The following FAM120B variants were observed in gnomAD, a reference collection of about 807,000 sequenced individuals.
FAM120B encodes family with sequence similarity 120 member B.
In FAM120B, 83 loss-of-function variants were observed where a neutral mutation model predicts 96.3. The observed-to-expected ratio is 0.86, with a 90% CI of 0.72 to 1.03. The LOEUF is 1.03. FAM120B is among the 50% of genes least tolerant of loss of function. The pLI is 0.00. For synonymous variants in FAM120B, 407 were observed against 402.7 expected (o/e 1.01, Z -0.13); for missense variants, 1,027 against 1,121.2 (o/e 0.92, Z 1.20).
At chr6:170,336,937 A>G (rs1020117089) in intron 4 of FAM120B, among the ~76,000 whole-genome samples, 3 of 152,194 alleles carry the variant, frequency 2.0e-5, no homozygotes, top group Admixed American at 1.3e-4. Flanking sequence ...TTTTGGGCTG[A>G]GACAATGGGG....
Position 170,377,197 on chromosome 6 carries a change from G to A in FAM120B, c.2284-11090G>A, listed in dbSNP as rs147720052. Among the ~76,000 whole-genome samples, 58 of 67,138 alleles carry A rather than the reference G, an allele frequency of 8.6e-4. 2 individuals carry two copies. The highest frequency in any genetic ancestry group is 3.9e-3 in the African/African-American group (52 of 13,346). The allele number at this position is 67,138 out of a possible 152,430, so 44.0% of individuals were successfully genotyped here. On this transcript the variant is annotated intron_variant, in intron 6 of 10. Coordinates refer to ENST00000476287, the MANE Select transcript of FAM120B (RefSeq NM_032448.3). ...TAAACCCAGATGCCTGGGAGAACAC[G>A]AGCTCACGCTGCTCGGTGCTGTGCA...
intron 9 of FAM120B, among the ~76,000 whole-genome samples, chr6:170,398,404 G>A (rs1017847282): frequency 6.6e-6 from 1 of 151,632 alleles, no homozygotes; most frequent in African/African-American, 2.4e-5. Flanking sequence ...GGGGAAGGTA[G>A]AACTATGTCA....
At chr6:170,306,337 G>A (rs1021120457), upstream of FAM120B, among the ~76,000 whole-genome samples, 1 of 151,894 alleles carries the variant, frequency 6.6e-6, no homozygotes, top group African/African-American at 2.4e-5. Flanking sequence ...CGAGGCTCCC[G>A]GCCTCAGGGC....
chr6:170,394,990 C>T (rs1435913038), intron 8 of FAM120B, among the ~76,000 whole-genome samples: 1 of 152,198 alleles, frequency 6.6e-6, no homozygotes, highest in Non-Finnish European at 1.5e-5. Context: ...TGTAATCAGG[C>T]CTTCTAGTAG....
chr6:170,291,864 A>C (rs1045433075), upstream of FAM120B, among the ~76,000 whole-genome samples: 1 of 151,920 alleles, frequency 6.6e-6, no homozygotes, highest in East Asian at 1.9e-4. Context: ...GCCCTCCCCC[A>C]CAGGATCCTC....
At chr6:170,297,042 G>A (rs1223356566) in intron 1 of FAM120B, among the ~76,000 whole-genome samples, 2 of 152,210 alleles carry the variant, frequency 1.3e-5, no homozygotes, top group Non-Finnish European at 2.9e-5. Context: ...CCGGGAGCGG[G>A]GGCACGCGGG....
At chr6:170,296,654 G>T (rs148919258) in intron 1 of FAM120B, among the ~76,000 whole-genome samples, 13,391 of 151,942 alleles carry the variant, frequency 0.088, 809 homozygotes, top group African/African-American at 0.16. Flanking sequence ...GGGCCGGGGC[G>T]CGCCCTTTGT....
intron 5 of FAM120B, among the ~76,000 whole-genome samples, chr6:170,354,460 A>G (rs966477612): frequency 6.6e-6 from 1 of 152,210 alleles, no homozygotes; most frequent in African/African-American, 2.4e-5. Context: ...AAAATAAACT[A>G]TCATCAGAGT....
chr6:170,395,108 C>A (rs7738104), intron 8 of FAM120B, among the ~76,000 whole-genome samples: 2 of 151,994 alleles, frequency 1.3e-5, no homozygotes, highest in African/African-American at 4.8e-5. Flanking sequence ...TCACAAGTCC[C>A]AGAAGTGCTG....
In FAM120B at chr6:170,391,159, C is replaced by T. The variant is rs377583342; in HGVS notation, c.2599+38C>T. On this transcript the variant is annotated intron_variant, in intron 8 of 10. Transcript: ENST00000476287. ...CAGGTGCCTCTAGAAGCCCCACAAG[C>T]GTAGACCCTAACTGCTTCCTGAGTT... 15 of 1,379,614 alleles carry T rather than the reference C, an allele frequency of 1.1e-5. No homozygotes were observed. The African/African-American group carries it at 1.7e-4, about 16-fold the overall frequency. The allele number at this position is 1,379,614 out of a possible 1,614,324, so 85.5% of individuals were successfully genotyped here. A position where few individuals can be genotyped will look rare whatever the true frequency, so the allele number is the denominator to read the frequency against.
chr6:170,391,976 T>G (rs902560263), intron 8 of FAM120B, among the ~76,000 whole-genome samples: 3 of 152,188 alleles, frequency 2.0e-5, no homozygotes, highest in Non-Finnish European at 2.9e-5. Flanking sequence ...CACTACTACA[T>G]AGCTTGTTCC....
upstream of FAM120B, chr6:170,291,166 C>T: frequency 1.5e-6 from 1 of 660,864 alleles, no homozygotes; most frequent in Non-Finnish European, 2.8e-6. Flanking sequence ...GCCCCCCCTT[C>T]CTCCCTCACC....
Position 170,317,408 on chromosome 6 carries a change from G to A in FAM120B, c.18G>A (p.Leu6=), listed in dbSNP as rs1784964548. The change falls in exon 2 of 11, where the codon TTG becomes TTA. Residue 6 remains leucine, a synonymous_variant. Transcript: ENST00000476287. MGVRG[L]QGFVGSTCPH... is the part of the protein sequence containing the mutation. The stretch of plus-strand genomic sequence containing the variant: ...GTTCAGTTATGGGTGTGAGAGGTTT[G>A]CAAGGATTTGTGGGAAGTACCTGCC... The A allele has an allele frequency of 1.9e-6, 3 of 1,609,768 alleles. No individual in the cohort carries two copies. The highest frequency in any genetic ancestry group is 2.6e-6 in the Non-Finnish European group (3 of 1,176,248).
rs374015696 is a variant in FAM120B at position 170,332,435 on chromosome 6, C to T, written c.2017+1885C>T. ...CAGCTGGGTGGGGTTGGGGGGCTCA[C>T]GCCTGTAATCCCAGCACTTTGGGAG... On this transcript the variant is annotated intron_variant, in intron 4 of 10. Coordinates refer to ENST00000476287, the MANE Select transcript of FAM120B (RefSeq NM_032448.3). Among the ~76,000 whole-genome samples the T allele has an allele frequency of 1.4e-3, 217 of 152,270 alleles. 4 individuals carry two copies. In the South Asian group the frequency reaches 0.04, roughly 28 times the overall value.
intron 4 of FAM120B, among the ~76,000 whole-genome samples, chr6:170,346,801 C>T (rs994877398): frequency 5.9e-5 from 9 of 151,886 alleles, no homozygotes; most frequent in Non-Finnish European, 7.4e-5. Flanking sequence ...GGGTTTGTCC[C>T]GAGACTGCAC....
At chr6:170,368,821 G>GT (rs1554287938) in intron 6 of FAM120B, among the ~76,000 whole-genome samples, 4 of 20,302 alleles carry the variant, frequency 2.0e-4, no homozygotes, top group Admixed American at 7.9e-4. Flanking sequence ...TGCCGGGGCT[G>GT]GGGGGGGGGC....
chr6:170,319,599 C>T (rs573216734), intron 2 of FAM120B, among the ~76,000 whole-genome samples: 9 of 152,166 alleles, frequency 5.9e-5, no homozygotes, highest in Middle Eastern at 3.4e-3. Context: ...ACCTGGGAGG[C>T]GGAGGTTGCA....
intron 6 of FAM120B, among the ~76,000 whole-genome samples, chr6:170,386,443 A>G (rs1464000032): frequency 6.6e-6 from 1 of 152,262 alleles, no homozygotes; most frequent in Non-Finnish European, 1.5e-5. Flanking sequence ...GGGAATATTT[A>G]TACCAATACA....
intron 4 of FAM120B, among the ~76,000 whole-genome samples, chr6:170,337,280 A>C (rs551311371): frequency 2.6e-4 from 39 of 152,170 alleles, no homozygotes; most frequent in Non-Finnish European, 3.4e-4. Context: ...TTCTGCATCT[A>C]TTGAGATAAA....
Sources: allele counts gnomAD v4.1 joint callset (sites outside exome capture counted in the v4.1 genomes callset), GRCh38; gene constraint gnomAD v4.1.1; transcripts MANE v1.5; gene names NCBI Gene and HGNC (gene_info 2026-07-23, HGNC 2026-07-21).